MGAT4C: variants seen among roughly 807,000 people sequenced by gnomAD.
MGAT4C encodes the protein MGAT4 family member C, also known as alpha-1,3-mannosyl-glycoprotein 4-beta-N-acetylglucosaminyltransferase C.
Under a neutral mutation model 40.1 loss-of-function variants are expected in MGAT4C, and 19 were observed. The observed-to-expected ratio is 0.47, with a 90% CI of 0.33 to 0.70. The LOEUF (loss-of-function observed/expected upper bound fraction) is 0.70. MGAT4C is among the 30% of genes least tolerant of loss of function. The pLI, the probability that MGAT4C is intolerant of heterozygous loss-of-function variation, is 0.02. For synonymous variants in MGAT4C, 181 were observed against 187.1 expected (o/e 0.97, Z 0.27); for missense variants, 491 against 563.2 (o/e 0.87, Z 1.30).
intron 4 of MGAT4C, among the ~76,000 whole-genome samples, chr12:86,300,247 G>A (rs1953777278): frequency 6.6e-6 from 1 of 151,992 alleles, no homozygotes; most frequent in African/African-American, 2.4e-5. Context: ...CTGTGATGCA[G>A]GTCATCAAAA....
chr12:86,375,541 A>C (rs1346618985), intron 3 of MGAT4C, among the ~76,000 whole-genome samples: 4 of 152,080 alleles, frequency 2.6e-5, no homozygotes, highest in Non-Finnish European at 4.4e-5. Context: ...GAGAAGGAAA[A>C]AGAGGAATTT....
intron 2 of MGAT4C, among the ~76,000 whole-genome samples, chr12:86,457,058 A>T (rs911166762): frequency 2.6e-5 from 4 of 152,172 alleles, no homozygotes; most frequent in African/African-American, 9.6e-5. Context: ...AGCTTAAGTG[A>T]TTATGACAGT....
chr12:86,761,884 A>T lies in MGAT4C; in HGVS notation c.-261-34643T>A, dbSNP rs187472541. ...AATAATATATCTTCCTAAAATTCTT[A>T]AAATACCTCTGCAAAGTCTCTGTGG... On this transcript the variant is annotated intron_variant, in intron 1 of 7. Coordinates refer to the MGAT4C transcript ENST00000548651. 1.7e-4 allele frequency among the ~76,000 whole-genome samples: 26 copies of T among 152,196 alleles called. No individual in the cohort carries two copies. The East Asian group carries it at 4.8e-3, about 28-fold the overall frequency.
At chr12:86,682,323 G>A (rs1565922566) in intron 2 of MGAT4C, among the ~76,000 whole-genome samples, 1 of 151,884 alleles carries the variant, frequency 6.6e-6, no homozygotes, top group Non-Finnish European at 1.5e-5. Context: ...CTTGGTTGAG[G>A]TTCAGAGTGA....
At chr12:86,189,530 T>A (rs749822380) in intron 1 of MGAT4C, among the ~76,000 whole-genome samples, 30 of 151,920 alleles carry the variant, frequency 2.0e-4, no homozygotes, top group Non-Finnish European at 2.9e-4. Flanking sequence ...TTTTAAAAAA[T>A]TTTTCTATTG....
chr12:86,240,756 T>C (rs1290846439), intron 1 of MGAT4C, among the ~76,000 whole-genome samples: 2 of 152,186 alleles, frequency 1.3e-5, no homozygotes, highest in African/African-American at 4.8e-5. Context: ...TCTTTCATCT[T>C]ATATTACCAC....
At chr12:86,458,293 G>A (rs776444668) in intron 2 of MGAT4C, among the ~76,000 whole-genome samples, 28 of 152,010 alleles carry the variant, frequency 1.8e-4, no homozygotes, top group Non-Finnish European at 3.2e-4. Flanking sequence ...GCCTTCACTG[G>A]CTCAGATGCC....
intron 3 of MGAT4C, among the ~76,000 whole-genome samples, chr12:86,360,874 A>G (rs953962062): frequency 5.3e-4 from 81 of 152,288 alleles, no homozygotes; most frequent in Middle Eastern, 3.4e-3. Context: ...ATGCTCATGG[A>G]TAGGAAGAAT....
intron 1 of MGAT4C, among the ~76,000 whole-genome samples, chr12:86,105,163 C>T (rs573986657): frequency 4.6e-5 from 7 of 152,098 alleles, no homozygotes; most frequent in Non-Finnish European, 1.0e-4. Context: ...ACGATTTCAT[C>T]TTGGACTTAA....
chr12:86,483,363 CT>C (rs1479002873), intron 2 of MGAT4C, among the ~76,000 whole-genome samples: 1 of 152,038 alleles, frequency 6.6e-6, no homozygotes, highest in Non-Finnish European at 1.5e-5. Context: ...TATAATTCCT[CT>C]TTATAGAGGC....
chr12:86,076,241 T>C (rs1252755154), intron 1 of MGAT4C, among the ~76,000 whole-genome samples: 1 of 152,170 alleles, frequency 6.6e-6, no homozygotes, highest in African/African-American at 2.4e-5. Flanking sequence ...GAGTCACCTT[T>C]GCTTCAGTTC....
intron 2 of MGAT4C, among the ~76,000 whole-genome samples, chr12:86,544,888 GA>G (rs1209388583): frequency 6.6e-6 from 1 of 151,750 alleles, no homozygotes; most frequent in Non-Finnish European, 1.5e-5. Context: ...GATATGAAAT[GA>G]AAAAAAGATA....
rs188102587 is a variant in MGAT4C, at chr12:86,733,073, C to T, written c.-261-5832G>A. On this transcript the variant is annotated intron_variant, in intron 1 of 7. Coordinates refer to the MGAT4C transcript ENST00000548651. Reference sequence around the variant, plus strand: ...AGAATGAAAAATTAAATCAGTCTTCCCTCTCATTATAACTAAAGGATAATT... The same window carrying T: ...AGAATGAAAAATTAAATCAGTCTTCTCTCTCATTATAACTAAAGGATAATT... Among the ~76,000 whole-genome samples, 16 of 152,000 alleles carry T rather than the reference C, an allele frequency of 1.1e-4. No homozygotes were observed. In the East Asian group the frequency reaches 2.7e-3, roughly 26 times the overall value.
chr12:86,304,929 C>T (rs1171918691), intron 4 of MGAT4C, among the ~76,000 whole-genome samples: 1 of 150,646 alleles, frequency 6.6e-6, no homozygotes, highest in Non-Finnish European at 1.5e-5. Flanking sequence ...CCTGCCATCA[C>T]CTTGATTTCA....
chr12:86,141,405 G>A (rs1347046571), intron 1 of MGAT4C, among the ~76,000 whole-genome samples: 1 of 152,144 alleles, frequency 6.6e-6, no homozygotes, highest in East Asian at 1.9e-4. Context: ...AGATGAAAAT[G>A]AAATACAAAG....
intron 2 of MGAT4C, among the ~76,000 whole-genome samples, chr12:86,505,373 C>T (rs1000070095): frequency 5.3e-5 from 8 of 152,098 alleles, no homozygotes; most frequent in African/African-American, 1.7e-4. Flanking sequence ...AAGAAAATTC[C>T]GTAGATCAGG....
chr12:86,136,750 G>A (rs936248805), intron 1 of MGAT4C, among the ~76,000 whole-genome samples: 1 of 151,946 alleles, frequency 6.6e-6, no homozygotes, highest in Non-Finnish European at 1.5e-5. Flanking sequence ...ATGCAATAGC[G>A]TGATCTCAGC....
chr12:86,490,976 AC>A (rs1958120811), intron 2 of MGAT4C, among the ~76,000 whole-genome samples: 1 of 152,102 alleles, frequency 6.6e-6, no homozygotes, highest in Non-Finnish European at 1.5e-5. Flanking sequence ...AGACCTTAAC[AC>A]CCCACTGTCA....
chr12:86,174,141 ACAC>A (rs1566089875), intron 1 of MGAT4C, among the ~76,000 whole-genome samples: 2 of 151,560 alleles, frequency 1.3e-5, no homozygotes, highest in Non-Finnish European at 3.0e-5. Flanking sequence ...ACACACACAC[ACAC>A]ACACACACAC....
Sources: gnomAD v4.1 joint callset for allele counts (sites outside exome capture counted in the v4.1 genomes callset) on GRCh38, gnomAD v4.1.1 for gene constraint, MANE v1.5 for transcripts, NCBI Gene and HGNC (gene_info 2026-07-23, HGNC 2026-07-21) for gene names.